USP10: variants seen among roughly 807,000 people sequenced by gnomAD.
USP10 encodes the protein ubiquitin specific peptidase 10.
A neutral mutation model predicts 84.5 loss-of-function variants in USP10; 22 were observed. The observed-to-expected ratio is 0.26, with a 90% CI of 0.19 to 0.37. The LOEUF (loss-of-function observed/expected upper bound fraction) is 0.37. Ranked by LOEUF, USP10 falls within the 10% of genes least tolerant of loss-of-function variation. The pLI is 1.00. For synonymous variants in USP10, 454 were observed against 387.6 expected, an observed-to-expected ratio of 1.17 and a Z score of -2.01; for missense variants, 1,019 against 998.9, an observed-to-expected ratio of 1.02 and a Z score of -0.27.
chr16:84,763,708 A>C (rs1383074586), intron 9 of USP10, among the ~76,000 whole-genome samples: 1 of 150,698 alleles, frequency 6.6e-6, no homozygotes, highest in Non-Finnish European at 1.5e-5. Flanking sequence ...GCCGTGGATC[A>C]AGTGGCATTG....
chr16:84,719,385 A>G (rs1364803154), intron 1 of USP10, among the ~76,000 whole-genome samples: 1 of 152,192 alleles, frequency 6.6e-6, no homozygotes, highest in African/African-American at 2.4e-5. Flanking sequence ...GCCCCTACAC[A>G]GTGATTCTAA....
In USP10 at chr16:84,740,216, A is replaced by T. The variant is rs964588041; in HGVS notation, c.91-93A>T. The T allele has an allele frequency of 1.4e-5, 16 of 1,142,488 alleles. No individual in the cohort carries two copies. The African/African-American group carries it at 2.5e-4, about 18-fold the overall frequency. The allele number at this position is 1,142,488 out of a possible 1,614,324, so 70.8% of individuals were successfully genotyped here. On this transcript the variant is annotated intron_variant, in intron 2 of 13. Coordinates refer to ENST00000219473, the MANE Select transcript of USP10 (RefSeq NM_005153.3). Reference sequence around the variant, plus strand: ...AACGGCATGCAAAGTTGTATGGATTAAGAGTTTTAATGAATTGTTGCCTTA... The same window carrying T: ...AACGGCATGCAAAGTTGTATGGATTTAGAGTTTTAATGAATTGTTGCCTTA...
intron 1 of USP10, among the ~76,000 whole-genome samples, chr16:84,713,879 A>G (rs576733291): frequency 1.2e-4 from 19 of 152,362 alleles, no homozygotes; most frequent in African/African-American, 4.3e-4. Context: ...CCCAAAGCAG[A>G]AAGACCTGGC....
intron 1 of USP10, chr16:84,732,938 TA>T (rs1909431691): frequency 2.9e-5 from 11 of 377,792 alleles, no homozygotes. Context: ...AATGCATTTT[TA>T]AACTAAGAAG....
At chr16:84,765,804 G>C (rs7191287) in intron 10 of USP10, among the ~76,000 whole-genome samples, 14,014 of 152,220 alleles carry the variant, frequency 0.092, 751 homozygotes, top group African/African-American at 0.15. Flanking sequence ...GAGTCCCTGG[G>C]CACCTGGCTG....
chr16:84,763,750 G>A (rs144358897), intron 9 of USP10, among the ~76,000 whole-genome samples: 176 of 151,504 alleles, frequency 1.2e-3, no homozygotes, highest in African/African-American at 3.9e-3. Flanking sequence ...GTGGCATTGC[G>A]CCTGTTGTGA....
At chr16:84,709,115 A>G (rs1386660752) in intron 1 of USP10, 1 of 152,230 alleles carries the variant, frequency 6.6e-6, no homozygotes. Flanking sequence ...GGGAGTGATG[A>G]GCGAAAACAG....
At chr16:84,732,636 G>A (rs1291409185) in intron 1 of USP10, 1 of 303,192 alleles carries the variant, frequency 3.3e-6, no homozygotes, top group African/African-American at 2.3e-5. Context: ...TAGTAAAGAT[G>A]GGGGTTTCAC....
At chr16:84,727,438 A>G (rs1013904786) in intron 1 of USP10, among the ~76,000 whole-genome samples, 2 of 151,740 alleles carry the variant, frequency 1.3e-5, no homozygotes, top group Admixed American at 6.6e-5. Context: ...TAACCTCACA[A>G]TTTTCAGTGT....
intron 3 of USP10, among the ~76,000 whole-genome samples, chr16:84,744,143 G>C (rs1336865084): frequency 6.6e-6 from 1 of 151,554 alleles, no homozygotes; most frequent in Non-Finnish European, 1.5e-5. Context: ...AGTATGTATA[G>C]GATTCTTTGC....
intron 1 of USP10, chr16:84,732,633 G>C (rs1909388976): frequency 3.3e-6 from 1 of 305,078 alleles, no homozygotes. Context: ...TTTTAGTAAA[G>C]ATGGGGGTTT....
intron 1 of USP10, among the ~76,000 whole-genome samples, chr16:84,724,492 GGA>G (rs1473986751): frequency 4.6e-5 from 7 of 152,182 alleles, no homozygotes; most frequent in Admixed American, 3.9e-4. Context: ...TGAGTTTCAA[GGA>G]GAGAGGCTGC....
intron 1 of USP10, among the ~76,000 whole-genome samples, chr16:84,721,083 G>T (rs1226305235): frequency 6.6e-6 from 1 of 151,878 alleles, no homozygotes; most frequent in Non-Finnish European, 1.5e-5. Context: ...TAGTAAAGAC[G>T]GGGTTTCACC....
At chr16:84,736,780 T>A (rs1774513502) in intron 2 of USP10, among the ~76,000 whole-genome samples, 1 of 151,928 alleles carries the variant, frequency 6.6e-6, no homozygotes, top group Non-Finnish European at 1.5e-5. Flanking sequence ...GTAGAGACAG[T>A]TCTTAATTTG....
At position 84,745,462 on chromosome 16, in the gene USP10, G is replaced by A. The variant is rs764940074; in HGVS notation, c.981G>A (p.Thr327=). The stretch of plus-strand genomic sequence containing the variant: ...GTGCATCACCTCCTGCTGACGGCAC[G>A]GGCTCTGCATCAGGCACCCTTCCTG... ...PESASPPADG[T]GSASGTLPVS... Residue 327 remains threonine (T), a synonymous_variant, in exon 4 of 14, where the codon ACG becomes ACA. Coordinates refer to ENST00000219473, the MANE Select transcript of USP10 (RefSeq NM_005153.3). The A allele has an allele frequency of 2.6e-5, 42 of 1,613,566 alleles. No individual in the cohort carries two copies. Among genetic ancestry groups the A allele is most frequent in the South Asian group, 4.4e-5 (4 of 91,018 alleles).
intron 1 of USP10, among the ~76,000 whole-genome samples, chr16:84,712,157 G>A (rs1245244011): frequency 6.6e-6 from 1 of 152,210 alleles, no homozygotes; most frequent in Admixed American, 6.5e-5. Context: ...AGAAATCGCA[G>A]TATTTTGTGT....
intron 4 of USP10, among the ~76,000 whole-genome samples, chr16:84,746,109 A>G (rs982396274): frequency 8.8e-5 from 13 of 147,736 alleles, no homozygotes; most frequent in African/African-American, 3.3e-4. Context: ...TTTTTTTTGG[A>G]TTGAGTAAAT....
chr16:84,760,269 T>G lies in USP10; in HGVS notation c.1548T>G (p.Ser516=). The G allele has an allele frequency of 6.2e-7, 1 of 1,601,324 alleles. No individual in the cohort carries two copies. The highest frequency in any genetic ancestry group is 8.5e-7 in the Non-Finnish European group (1 of 1,173,146). ...TGACAGTTAACAAGTCAAGCCTGTC[T>G]GAAAAGGTTTGAGACTTCTCTGTTG... is the stretch of plus-strand genomic sequence containing the variant. ...RLLTVNKSSL[S]EKGRQEDAEE... Residue 516 remains serine (S), a synonymous_variant, in exon 8 of 14, where the codon TCT becomes TCG. Coordinates refer to ENST00000219473, the MANE Select transcript of USP10 (RefSeq NM_005153.3).
At chr16:84,758,308 A>G (rs1375103738) in intron 4 of USP10, among the ~76,000 whole-genome samples, 1 of 152,194 alleles carries the variant, frequency 6.6e-6, no homozygotes, top group Admixed American at 6.5e-5. Flanking sequence ...TCTGCAAGAT[A>G]TCTTTCTATC....
Sources: allele counts gnomAD v4.1 joint callset (sites outside exome capture counted in the v4.1 genomes callset), GRCh38; gene constraint gnomAD v4.1.1; transcripts MANE v1.5; gene names NCBI Gene and HGNC (gene_info 2026-07-23, HGNC 2026-07-21).